Variants in SPTLC3 observed in about 807,000 individuals in gnomAD.
SPTLC3 encodes the protein serine palmitoyltransferase long chain base subunit 3.
SPTLC3 carries 36 observed loss-of-function variants against 59.3 expected under a neutral mutation model. That is an observed-to-expected ratio of 0.61 (90% confidence interval 0.47 to 0.80). The LOEUF is 0.80. SPTLC3 is among the 30% of genes least tolerant of loss of function. The pLI is 0.00. For synonymous variants in SPTLC3, 257 were observed against 240.8 expected (o/e 1.07, Z -0.62); for missense variants, 625 against 685.1 (o/e 0.91, Z 0.98).
chr20:13,130,941 T>C (rs1432472696), intron 9 of SPTLC3, among the ~76,000 whole-genome samples: 1 of 152,224 alleles, frequency 6.6e-6, no homozygotes, highest in Non-Finnish European at 1.5e-5. Flanking sequence ...AATAAGATCA[T>C]GAGGATGTTT....
intron 9 of SPTLC3, among the ~76,000 whole-genome samples, chr20:13,148,418 A>AG (rs1430113639): frequency 6.6e-6 from 1 of 152,140 alleles, no homozygotes; most frequent in Non-Finnish European, 1.5e-5. Flanking sequence ...AACCACCCTC[A>AG]GGGGTGGGGT....
At chr20:13,089,366 A>T (rs1425938743) in intron 4 of SPTLC3, among the ~76,000 whole-genome samples, 5 of 152,258 alleles carry the variant, frequency 3.3e-5, no homozygotes, top group African/African-American at 1.2e-4. Flanking sequence ...GGCAAGACGC[A>T]TGTGTAATTT....
chr20:13,151,424 A>G (rs2038645191), intron 9 of SPTLC3, among the ~76,000 whole-genome samples: 1 of 152,214 alleles, frequency 6.6e-6, no homozygotes, highest in Non-Finnish European at 1.5e-5. Flanking sequence ...TGGTCAGGAT[A>G]GAGGGGCTGA....
chr20:13,038,795 G>T (rs1453946231), intron 1 of SPTLC3, among the ~76,000 whole-genome samples: 1 of 152,058 alleles, frequency 6.6e-6, no homozygotes, highest in Non-Finnish European at 1.5e-5. Flanking sequence ...TAAATGTCCT[G>T]TTAAGCACTG....
chr20:13,067,969 G>A (rs85682), intron 2 of SPTLC3, among the ~76,000 whole-genome samples: 62,173 of 152,012 alleles, frequency 0.41, 12,829 homozygotes, highest in Middle Eastern at 0.56. Context: ...CTATGGATAT[G>A]CTCTTTTCAC....
rs1048850869 is a variant in SPTLC3, at chr20:13,167,259, T to C, written c.*2392T>C. On this transcript the variant is annotated 3_prime_UTR_variant, in exon 12 of 12. Transcript: ENST00000399002. ...CTAATAAGTTCATGATTTTAATTCA[T>C]GATTTTAATTCATGATTAAAATTAT... is the stretch of plus-strand genomic sequence containing the variant. 2.0e-5 allele frequency: 3 copies of C among 152,212 alleles called. No individual in the cohort carries two copies. The highest frequency in any genetic ancestry group is 4.4e-5 in the Non-Finnish European group (3 of 68,028). The allele number at this position is 152,212 out of a possible 1,614,324, so 9.4% of individuals were successfully genotyped here.
intron 1 of SPTLC3, among the ~76,000 whole-genome samples, chr20:13,015,111 CT>C (rs1202394953): frequency 5.9e-5 from 9 of 152,110 alleles, no homozygotes; most frequent in Admixed American, 5.9e-4. Context: ...TGAATTAGCC[CT>C]GATCTAATGG....
chr20:13,157,904 T>C (rs191115636), intron 10 of SPTLC3, among the ~76,000 whole-genome samples: 48 of 152,338 alleles, frequency 3.2e-4, no homozygotes, highest in African/African-American at 1.1e-3. Flanking sequence ...CCTTTGATTT[T>C]ATTAAAGAAT....
chr20:13,104,729 CAAG>C (rs1438846033), intron 6 of SPTLC3, among the ~76,000 whole-genome samples: 3 of 152,100 alleles, frequency 2.0e-5, no homozygotes, highest in Non-Finnish European at 4.4e-5. Flanking sequence ...CATTGTGACT[CAAG>C]AACCACACTG....
At chr20:13,150,646 C>T (rs1376526015) in intron 9 of SPTLC3, among the ~76,000 whole-genome samples, 1 of 152,178 alleles carries the variant, frequency 6.6e-6, no homozygotes, top group Admixed American at 6.5e-5. Flanking sequence ...TCATCCTACT[C>T]CTACTCCTTC....
In SPTLC3 at chr20:13,118,392, C is replaced by T. The variant is rs138003824; in HGVS notation, c.1152+667C>T. 2.0e-4 allele frequency among the ~76,000 whole-genome samples: 27 copies of T among 134,146 alleles called. 1 individual carries two copies. The East Asian group carries it at 5.3e-3, about 26-fold the overall frequency. The allele number at this position is 134,146 out of a possible 152,430, so 88.0% of individuals were successfully genotyped here. ...AAAATTCTGATCTGCTGGGATTAGA[C>T]TGTTAAGTGAGTGTTGGCCCTGTCA... On this transcript the variant is annotated intron_variant, in intron 8 of 11. Transcript: ENST00000399002.
chr20:13,164,995 A>C lies in SPTLC3; in HGVS notation c.*128A>C. The C allele has an allele frequency of 4.5e-6, 3 of 660,616 alleles. No individual in the cohort carries two copies. The highest frequency in any genetic ancestry group is 7.6e-6 in the Non-Finnish European group (3 of 393,240). The allele number at this position is 660,616 out of a possible 1,614,324, so 40.9% of individuals were successfully genotyped here. A position where few individuals can be genotyped will look rare whatever the true frequency, so the allele number is the denominator to read the frequency against. Reference sequence around the variant, plus strand: ...TTGGTTCCCAGACCAGCTTGATTGAACTGAGGGAGACGTTGTTGTTTTTAA... The same window carrying C: ...TTGGTTCCCAGACCAGCTTGATTGACCTGAGGGAGACGTTGTTGTTTTTAA... On this transcript the variant is annotated 3_prime_UTR_variant, in exon 12 of 12. Transcript: ENST00000399002.
intron 6 of SPTLC3, among the ~76,000 whole-genome samples, chr20:13,107,529 A>C (rs1989972051): frequency 6.6e-6 from 1 of 152,216 alleles, no homozygotes; most frequent in African/African-American, 2.4e-5. Context: ...TCAATTAGGT[A>C]ATATTATGTG....
In SPTLC3 at chr20:13,166,745, A is replaced by G. The variant is rs2038989427; in HGVS notation, c.*1878A>G. 1.3e-5 allele frequency: 2 copies of G among 152,214 alleles called. No individual in the cohort carries two copies. The highest frequency in any genetic ancestry group is 4.8e-5 in the African/African-American group (2 of 41,458). 9.4% of individuals were successfully genotyped at this position (152,214 alleles called of 1,614,324 possible). On this transcript the variant is annotated 3_prime_UTR_variant, in exon 12 of 12. Coordinates refer to ENST00000399002, the MANE Select transcript of SPTLC3 (RefSeq NM_018327.4). Reference sequence around the variant, plus strand: ...CTTCCACAAGGTATGGAAAGCAATAAACATCTTCCTTTCTTTCTGGATCTG... The same window carrying G: ...CTTCCACAAGGTATGGAAAGCAATAGACATCTTCCTTTCTTTCTGGATCTG...
In SPTLC3 at chr20:13,155,948, G is replaced by A. The variant is rs181977030; in HGVS notation, c.1415+1810G>A. Among the ~76,000 whole-genome samples, 238 of 152,266 alleles carry A rather than the reference G, an allele frequency of 1.6e-3. 1 individual carries two copies. Among genetic ancestry groups the A allele is most frequent in the Middle Eastern group, 6.8e-3 (2 of 294 alleles). ...GTATCTGAGGACATAATGTGCTACA[G>A]ACATGTTATATATCATACTGCTCTG... On this transcript the variant is annotated intron_variant, in intron 10 of 11. Transcript: ENST00000399002.
At chr20:13,011,379 G>A (rs572851441) in intron 1 of SPTLC3, among the ~76,000 whole-genome samples, 1 of 152,262 alleles carries the variant, frequency 6.6e-6, no homozygotes, top group South Asian at 2.1e-4. Flanking sequence ...CTGGCCTAAC[G>A]TCTTCTGCCG....
chr20:13,057,352 G>A (rs1357631264), intron 2 of SPTLC3, among the ~76,000 whole-genome samples: 4 of 152,108 alleles, frequency 2.6e-5, no homozygotes, highest in Non-Finnish European at 5.9e-5. Context: ...ATAAGTGAAT[G>A]TTCTTATATC....
chr20:13,056,741 C>CTT (rs34096106), intron 2 of SPTLC3, among the ~76,000 whole-genome samples: 8 of 129,182 alleles, frequency 6.2e-5, no homozygotes, highest in Non-Finnish European at 9.9e-5. Context: ...CATCCTTAAT[C>CTT]TTTTTTTTTT....
chr20:13,062,138 C>G (rs1988001756), intron 2 of SPTLC3, among the ~76,000 whole-genome samples: 1 of 152,210 alleles, frequency 6.6e-6, no homozygotes, highest in African/African-American at 2.4e-5. Context: ...GCATATCTCA[C>G]TCTTTGACTC....
Sources: gnomAD v4.1 joint callset for allele counts (sites outside exome capture counted in the v4.1 genomes callset) on GRCh38, gnomAD v4.1.1 for gene constraint, MANE v1.5 for transcripts, NCBI Gene and HGNC (gene_info 2026-07-23, HGNC 2026-07-21) for gene names.